The following CYTH3 variants were observed in gnomAD, a reference collection of about 807,000 sequenced individuals.
CYTH3 encodes cytohesin-3.
Under a neutral mutation model 55.1 loss-of-function variants are expected in CYTH3, and 23 were observed. The observed-to-expected ratio is 0.42, with a 90% CI of 0.30 to 0.59. The LOEUF (loss-of-function observed/expected upper bound fraction) is 0.59. CYTH3 is among the 20% of genes least tolerant of loss of function. The pLI is 0.20. For missense variants in CYTH3, 413 were observed against 524.8 expected (o/e 0.79, Z 2.08); for synonymous variants, 249 against 194.9 (o/e 1.28, Z -2.31).
In CYTH3 at chr7:6,246,234, T is replaced by TA. The variant is rs557967867; in HGVS notation, c.34+26239_34+26240insT. Reference sequence around the variant, plus strand: ...TAGCATGCCACAACACCTGGATAATTTTTTTTTTTTTTTTAAAAGAGACAG... The same window carrying TA: ...TAGCATGCCACAACACCTGGATAATTATTTTTTTTTTTTTTAAAAGAGACAG... On this transcript the variant is annotated intron_variant, in intron 1 of 12. Transcript: ENST00000350796. Among the ~76,000 whole-genome samples the TA allele has an allele frequency of 6.8e-3, 928 of 136,678 alleles. 9 individuals carry two copies. The highest frequency in any genetic ancestry group is 0.027 in the African/African-American group (879 of 32,302). 89.7% of individuals were successfully genotyped at this position (136,678 alleles called of 152,430 possible).
At chr7:6,262,873 G>A (rs953994964) in intron 1 of CYTH3, among the ~76,000 whole-genome samples, 2 of 151,990 alleles carry the variant, frequency 1.3e-5, no homozygotes, top group African/African-American at 4.8e-5. Context: ...GAGCTATGAT[G>A]GCGTCACTGC....
Position 6,171,725 on chromosome 7 carries a change from C to G in CYTH3, c.450-411G>C, listed in dbSNP as rs1783202471. 4.6e-6 allele frequency: 1 copy of G among 215,214 alleles called. No homozygotes were observed. Among genetic ancestry groups the G allele is most frequent in the East Asian group, 1.0e-4 (1 of 9,946 alleles). The allele number at this position is 215,214 out of a possible 1,614,324, so 13.3% of individuals were successfully genotyped here. On this transcript the variant is annotated intron_variant, in intron 6 of 12. Transcript: ENST00000350796. This position sits in a 1 kb window ranked among gnomAD's most constrained non-coding sequence, Gnocchi z 6.7. ...TCCCACACATAAGGCAGAGCCATAG[C>G]CCACAGGACGGTATCCAAAGCCCCA...
In CYTH3 at chr7:6,217,534, CCAAA is replaced by C. The variant is rs774305325; in HGVS notation, c.35-27007_35-27004del. ...CATAGCAATTCTAAATGTATATGCA[CCAAA>C]CAAAGCTGCAAAATATGTGATTCCA... On this transcript the variant is annotated intron_variant, in intron 1 of 12. Transcript: ENST00000350796. Among the ~76,000 whole-genome samples, 27 of 152,228 alleles carry C rather than the reference CCAAA, an allele frequency of 1.8e-4. No individual in the cohort carries two copies. In the Middle Eastern group the frequency reaches 0.01, roughly 58 times the overall value.
chr7:6,167,319 G>A lies in CYTH3; in HGVS notation c.824-1509C>T, dbSNP rs573730743. On this transcript the variant is annotated intron_variant, in intron 9 of 12. Transcript: ENST00000350796. This position sits in a 1 kb window ranked among gnomAD's most constrained non-coding sequence, Gnocchi z 5.5. ...GCCTTGTCCCACAGTCCTCCAGTGA[G>A]CAGTGAGAGGTGTTCTATGTCCCCG... 6.6e-6 allele frequency among the ~76,000 whole-genome samples: 1 copy of A among 152,340 alleles called. No individual in the cohort carries two copies. Among genetic ancestry groups the A allele is most frequent in the South Asian group, 2.1e-4 (1 of 4,828 alleles).
intron 2 of CYTH3, 132 bp downstream of exon 2, chr7:6,190,316 TC>T (rs760920959): frequency 3.6e-6 from 3 of 839,222 alleles, no homozygotes; most frequent in East Asian, 2.8e-5. Context: ...ACACTAAACA[TC>T]TTTTTTTTTT....
chr7:6,184,619 C>T (rs577672334), intron 4 of CYTH3, among the ~76,000 whole-genome samples: 1 of 152,274 alleles, frequency 6.6e-6, no homozygotes, highest in East Asian at 1.9e-4. Context: ...TTACTCTTGT[C>T]GCCCAGACTG....
chr7:6,226,252 T>C (rs1779248357), intron 1 of CYTH3, among the ~76,000 whole-genome samples: 1 of 152,136 alleles, frequency 6.6e-6, no homozygotes, highest in Non-Finnish European at 1.5e-5. Flanking sequence ...CCACAAACAA[T>C]ATTCCCTGCA....
chr7:6,203,574 C>T (rs1437549512), intron 1 of CYTH3, among the ~76,000 whole-genome samples: 2 of 152,190 alleles, frequency 1.3e-5, no homozygotes, highest in Admixed American at 6.5e-5. Context: ...TCTTTAAGAA[C>T]TGCTGTGTCA....
Position 6,171,703 on chromosome 7 carries a change from C to G in CYTH3, c.450-389G>C. The G allele has an allele frequency of 3.9e-6, 1 of 257,562 alleles. No individual in the cohort carries two copies. 16.0% of individuals were successfully genotyped at this position (257,562 alleles called of 1,614,324 possible). A position where few individuals can be genotyped will look rare whatever the true frequency, so the allele number is the denominator to read the frequency against. ...CAGCCGGTCCTCCTTTCAGAACTCC[C>G]ACACATAAGGCAGAGCCATAGCCCA... On this transcript the variant is annotated intron_variant, in intron 6 of 12. Transcript: ENST00000350796. This position sits in a 1 kb window ranked among gnomAD's most constrained non-coding sequence, Gnocchi z 6.7.
intron 1 of CYTH3, among the ~76,000 whole-genome samples, chr7:6,266,991 T>C (rs888042354): frequency 2.0e-5 from 3 of 152,162 alleles, no homozygotes; most frequent in Non-Finnish European, 2.9e-5. Context: ...GGCGACAGGA[T>C]CATGGAGGCA....
intron 4 of CYTH3, among the ~76,000 whole-genome samples, chr7:6,181,488 T>G (rs1783501052): frequency 6.6e-6 from 1 of 152,058 alleles, no homozygotes; most frequent in African/African-American, 2.4e-5. Flanking sequence ...ACAAGCTTGC[T>G]GTGCTCCTCA....
At position 6,165,773 on chromosome 7, in the gene CYTH3, G is replaced by A. The variant is rs1782981729; in HGVS notation, c.861C>T (p.Ile287=). The change falls in exon 10 of 13, where the codon ATC becomes ATT. Residue 287 remains isoleucine, a synonymous_variant. Coordinates refer to ENST00000350796, the MANE Select transcript of CYTH3 (RefSeq NM_004227.4). The stretch of plus-strand genomic sequence containing the variant: ...AGTAATAGAGGCAGTTATCGGTCAG[G>A]ATGAACCACCGGCGCTTCCAGGTCT... ...RVKTWKRRWF[I]LTDNCLYYFE... 3 of 1,614,004 alleles carry A rather than the reference G, an allele frequency of 1.9e-6. No homozygotes were observed. Among genetic ancestry groups the A allele is most frequent in the South Asian group, 1.1e-5 (1 of 91,090 alleles).
rs111255447 is a variant in CYTH3, at chr7:6,163,145, C to A, written c.*1799G>T. 1 of 152,654 alleles carries A rather than the reference C, an allele frequency of 6.6e-6. No homozygotes were observed. The highest frequency in any genetic ancestry group is 1.5e-5 in the Non-Finnish European group (1 of 68,066). 9.5% of individuals were successfully genotyped at this position (152,654 alleles called of 1,614,324 possible). On this transcript the variant is annotated 3_prime_UTR_variant, in exon 13 of 13. Transcript: ENST00000350796. ...GATGCAGGACAGGGGTTTCTGGCCT[C>A]GGACCCCTCTGCAGTCTAGTGTGAC...
intron 1 of CYTH3, among the ~76,000 whole-genome samples, chr7:6,199,034 T>C (rs995481198): frequency 6.6e-6 from 1 of 152,222 alleles, no homozygotes; most frequent in African/African-American, 2.4e-5. Context: ...TAATTCTTGA[T>C]AGCAAATATA....
intron 1 of CYTH3, among the ~76,000 whole-genome samples, chr7:6,254,098 C>G (rs949039732): frequency 1.3e-5 from 2 of 152,110 alleles, no homozygotes; most frequent in African/African-American, 4.8e-5. Flanking sequence ...AGGAGAATCA[C>G]GTGAACCCGG....
chr7:6,271,994 T>C (rs543810744), intron 1 of CYTH3, among the ~76,000 whole-genome samples: 1 of 152,170 alleles, frequency 6.6e-6, no homozygotes, highest in East Asian at 1.9e-4. Flanking sequence ...TGCCCTCCCG[T>C]CCTGTACACT....
Position 6,169,696 on chromosome 7 carries a change from G to A in CYTH3, c.823+839C>T, listed in dbSNP as rs544924699. ...CCCCTCAGCATTTCTAAAACTGCCC[G>A]TAATTGCCCTAAATTGCTCCAAAGG... On this transcript the variant is annotated intron_variant, in intron 9 of 12. Coordinates refer to ENST00000350796, the MANE Select transcript of CYTH3 (RefSeq NM_004227.4). The surrounding 1 kb of genome is among the most constrained non-coding windows in gnomAD (Gnocchi z 4.1). Among the ~76,000 whole-genome samples, 5 of 152,204 alleles carry A rather than the reference G, an allele frequency of 3.3e-5. No homozygotes were observed. The South Asian group carries it at 6.2e-4, about 19-fold the overall frequency.
At chr7:6,183,266 G>T (rs939779965) in intron 4 of CYTH3, among the ~76,000 whole-genome samples, 2 of 152,236 alleles carry the variant, frequency 1.3e-5, no homozygotes, top group Admixed American at 6.5e-5. Context: ...GCCGCCCCCG[G>T]CAGTTCTTTC....
At position 6,167,362 on chromosome 7, in the gene CYTH3, G is replaced by C. The variant is rs1027422986; in HGVS notation, c.824-1552C>G. Reference sequence around the variant, plus strand: ...TGTCCCCGAGACCCTAGGGACAGGAGGACAGTGCTGATTCCTTCCAGGCAC... The same window carrying C: ...TGTCCCCGAGACCCTAGGGACAGGACGACAGTGCTGATTCCTTCCAGGCAC... On this transcript the variant is annotated intron_variant, in intron 9 of 12. Transcript: ENST00000350796. The surrounding 1 kb of genome is among the most constrained non-coding windows in gnomAD (Gnocchi z 5.5). Among the ~76,000 whole-genome samples, 11 of 152,140 alleles carry C rather than the reference G, an allele frequency of 7.2e-5. No individual in the cohort carries two copies. The highest frequency in any genetic ancestry group is 2.7e-4 in the African/African-American group (11 of 41,412).
Sources: allele counts gnomAD v4.1 joint callset (sites outside exome capture counted in the v4.1 genomes callset), GRCh38; gene constraint gnomAD v4.1.1; non-coding constraint Gnocchi (gnomAD v3.1); transcripts MANE v1.5; gene names NCBI Gene and HGNC (gene_info 2026-07-23, HGNC 2026-07-21).